Variants in MORC1 observed in about 807,000 individuals in gnomAD.
The protein encoded by MORC1 is MORC family CW-type zinc finger 1.
MORC1 carries 59 observed loss-of-function variants against 134.9 expected under a neutral mutation model. The observed-to-expected ratio is 0.44, with a 90% CI of 0.35 to 0.54. The LOEUF (loss-of-function observed/expected upper bound fraction) is 0.54, where lower values mean the gene tolerates loss of function less well. Among genes scored for constraint, MORC1 ranks in the 20% least tolerant of loss-of-function variants. The pLI is 0.00. For synonymous variants in MORC1, 395 were observed against 391.7 expected, an observed-to-expected ratio of 1.01 and a Z score of -0.10; for missense variants, 947 against 1,134.5, an observed-to-expected ratio of 0.83 and a Z score of 2.37.
chr3:109,094,271 C>T (rs374341881), intron 7 of MORC1, among the ~76,000 whole-genome samples: 1 of 152,246 alleles, frequency 6.6e-6, no homozygotes, highest in African/African-American at 2.4e-5. Context: ...CAAAGTCAAA[C>T]AGGATCATTA....
At chr3:108,984,071 G>A (rs748381043) in intron 23 of MORC1, among the ~76,000 whole-genome samples, 6 of 152,100 alleles carry the variant, frequency 3.9e-5, no homozygotes, top group Non-Finnish European at 5.9e-5. Flanking sequence ...TCACTACCCT[G>A]TCAGCAAGTG....
At chr3:109,087,316 T>C (rs1179026700) in intron 8 of MORC1, among the ~76,000 whole-genome samples, 1 of 152,044 alleles carries the variant, frequency 6.6e-6, no homozygotes, top group Non-Finnish European at 1.5e-5. Flanking sequence ...TGACTCTATA[T>C]CTAGAAAACC....
intron 21 of MORC1, among the ~76,000 whole-genome samples, chr3:108,991,995 T>A (rs1407384285): frequency 1.3e-5 from 2 of 152,168 alleles, no homozygotes; most frequent in Non-Finnish European, 2.9e-5. Context: ...CTTTAGTTTC[T>A]CCTTTTTACA....
chr3:109,111,329 A>G (rs1237803811), intron 2 of MORC1, among the ~76,000 whole-genome samples: 1 of 152,178 alleles, frequency 6.6e-6, no homozygotes, highest in East Asian at 1.9e-4. Context: ...ATGCCCATTC[A>G]TTACATAGTA....
intron 24 of MORC1, among the ~76,000 whole-genome samples, chr3:108,973,294 A>G (rs1295490307): frequency 1.3e-5 from 2 of 152,206 alleles, no homozygotes; most frequent in African/African-American, 4.8e-5. Context: ...GTGGGGCAAT[A>G]GAGACAAGAA....
intron 17 of MORC1, among the ~76,000 whole-genome samples, chr3:109,017,713 GA>G (rs1948849272): frequency 6.6e-6 from 1 of 152,112 alleles, no homozygotes; most frequent in Non-Finnish European, 1.5e-5. Context: ...TTCAAAATCT[GA>G]GTTACTTAAT....
intron 9 of MORC1, among the ~76,000 whole-genome samples, chr3:109,069,028 C>T (rs959645621): frequency 4.7e-5 from 7 of 149,424 alleles, no homozygotes; most frequent in East Asian, 3.9e-4. Context: ...TGGTGGTGCA[C>T]GCCTGTAATC....
At chr3:108,984,820 A>G (rs200908423) in intron 22 of MORC1, 38 bp from the exon 23 acceptor site, 65 of 1,535,612 alleles carry the variant, frequency 4.2e-5, no homozygotes, top group Non-Finnish European at 5.3e-5. Flanking sequence ...CATTTGGATG[A>G]TCACACAATA....
intron 8 of MORC1, 53 bp downstream of exon 8, chr3:109,093,383 T>C: frequency 7.1e-7 from 1 of 1,405,312 alleles, no homozygotes; most frequent in Non-Finnish European, 1.0e-6. Flanking sequence ...GCAGGGCTCC[T>C]AACTCTAGCT....
chr3:109,113,433 C>T (rs974200023), intron 2 of MORC1, among the ~76,000 whole-genome samples: 6 of 152,120 alleles, frequency 3.9e-5, no homozygotes, highest in African/African-American at 1.2e-4. Flanking sequence ...TTTGTGGTCA[C>T]ACTCTCAGAA....
At chr3:109,105,047 A>G (rs1239326377) in intron 3 of MORC1, among the ~76,000 whole-genome samples, 1 of 152,076 alleles carries the variant, frequency 6.6e-6, no homozygotes, top group Non-Finnish European at 1.5e-5. Flanking sequence ...GTCCCCATAG[A>G]TTCATTTCCA....
At chr3:109,024,062 T>C (rs1197423394) in intron 17 of MORC1, among the ~76,000 whole-genome samples, 1 of 152,222 alleles carries the variant, frequency 6.6e-6, no homozygotes, top group Non-Finnish European at 1.5e-5. Context: ...CTTTAGTCTA[T>C]AAAATGCACC....
chr3:108,973,823 T>C (rs1947466212), intron 24 of MORC1, among the ~76,000 whole-genome samples: 3 of 152,056 alleles, frequency 2.0e-5, no homozygotes, highest in Admixed American at 1.3e-4. Flanking sequence ...CTCAAACTCC[T>C]GGGCTTAAGT....
At chr3:109,032,645 C>A in intron 16 of MORC1, 75 bp downstream of exon 16, 2 of 1,017,950 alleles carry the variant, frequency 2.0e-6, no homozygotes, top group Non-Finnish European at 2.9e-6. Context: ...TATAGATTGA[C>A]ATTTTCAAGG....
intron 17 of MORC1, among the ~76,000 whole-genome samples, chr3:109,014,279 C>T (rs991554684): frequency 6.6e-6 from 1 of 152,108 alleles, no homozygotes; most frequent in South Asian, 2.1e-4. Flanking sequence ...GGATCTCTTT[C>T]AATAAATTGT....
intron 14 of MORC1, among the ~76,000 whole-genome samples, chr3:109,040,443 A>G (rs866972256): frequency 0.01 from 1,303 of 124,228 alleles, 17 homozygotes; most frequent in African/African-American, 0.027. Flanking sequence ...AAAGAAAGAA[A>G]GAAAGAAAGA....
intron 1 of MORC1, among the ~76,000 whole-genome samples, chr3:109,116,282 G>A (rs995189115): frequency 2.6e-5 from 4 of 152,192 alleles, no homozygotes; most frequent in African/African-American, 9.7e-5. Flanking sequence ...GGGAAGCAAA[G>A]AACCCAGTTA....
chr3:108,985,500 T>C (rs1365998749), intron 22 of MORC1, among the ~76,000 whole-genome samples: 1 of 152,168 alleles, frequency 6.6e-6, no homozygotes, highest in Non-Finnish European at 1.5e-5. Context: ...GAAGAGGACA[T>C]CAACAAGCAA....
At chr3:108,992,375 AT>A (rs1370001117) in intron 21 of MORC1, among the ~76,000 whole-genome samples, 1 of 152,102 alleles carries the variant, frequency 6.6e-6, no homozygotes, top group East Asian at 1.9e-4. Flanking sequence ...TTTCCAAAAC[AT>A]CTTTTTTGTT....
Sources: allele counts gnomAD v4.1 joint callset (sites outside exome capture counted in the v4.1 genomes callset), GRCh38; gene constraint gnomAD v4.1.1; transcripts MANE v1.5; gene names NCBI Gene and HGNC (gene_info 2026-07-23, HGNC 2026-07-21).